The following LRMDA variants were observed in gnomAD, a reference collection of about 807,000 sequenced individuals.
LRMDA encodes leucine rich melanocyte differentiation associated.
In LRMDA, 18 loss-of-function variants were observed where a neutral mutation model predicts 29.8. That is an observed-to-expected ratio of 0.60 (90% CI 0.42 to 0.90). LRMDA has a LOEUF of 0.90. LRMDA is among the 40% of genes least tolerant of loss of function. LRMDA has a pLI of 0.00. For synonymous variants in LRMDA, 125 were observed against 109.4 expected (o/e 1.14, Z -0.89); for missense variants, 273 against 273.9 (o/e 1.00, Z 0.02).
chr10:75,925,727 A>G (rs1846110457), intron 2 of LRMDA, among the ~76,000 whole-genome samples: 1 of 142,704 alleles, frequency 7.0e-6, no homozygotes, highest in Non-Finnish European at 1.5e-5. Flanking sequence ...GTCTCGGTTC[A>G]CTGCAGCCTC....
chr10:76,149,283 C>T (rs140153492), intron 5 of LRMDA, among the ~76,000 whole-genome samples: 1 of 152,292 alleles, frequency 6.6e-6, no homozygotes, highest in East Asian at 1.9e-4. Flanking sequence ...TTAGGATGTG[C>T]TGTGAGGACG....
chr10:75,662,264 A>G (rs936384412), intron 2 of LRMDA, among the ~76,000 whole-genome samples: 3 of 152,260 alleles, frequency 2.0e-5, no homozygotes, highest in Non-Finnish European at 4.4e-5. Context: ...AGTAGAGATG[A>G]AATAAATCTG....
intron 5 of LRMDA, among the ~76,000 whole-genome samples, chr10:76,068,355 G>A (rs1848820012): frequency 6.6e-6 from 1 of 152,140 alleles, no homozygotes; most frequent in Admixed American, 6.5e-5. Context: ...TAATCTTAGG[G>A]CAGCAGTCAC....
chr10:76,098,272 T>A (rs930435751), intron 5 of LRMDA, among the ~76,000 whole-genome samples: 3 of 152,190 alleles, frequency 2.0e-5, no homozygotes, highest in Non-Finnish European at 4.4e-5. Flanking sequence ...AGCAAATATA[T>A]CTAATGAATA....
intron 2 of LRMDA, among the ~76,000 whole-genome samples, chr10:75,495,965 A>G (rs1845040607): frequency 6.6e-6 from 1 of 152,224 alleles, no homozygotes; most frequent in Admixed American, 6.5e-5. Flanking sequence ...AAGTCAGCCC[A>G]TCTGCTCTCT....
At chr10:76,492,735 G>C (rs1842845984) in intron 6 of LRMDA, among the ~76,000 whole-genome samples, 1 of 152,046 alleles carries the variant, frequency 6.6e-6, no homozygotes, top group Admixed American at 6.6e-5. Flanking sequence ...CATGGCAGAA[G>C]GTGCCTCTTC....
intron 5 of LRMDA, among the ~76,000 whole-genome samples, chr10:76,177,698 A>G (rs545423673): frequency 6.9e-4 from 105 of 152,242 alleles, no homozygotes; most frequent in Non-Finnish European, 1.2e-3. Context: ...TGCAAATATA[A>G]AAATATATTG....
At chr10:76,343,994 G>GT (rs1260533906) in intron 6 of LRMDA, among the ~76,000 whole-genome samples, 1 of 151,346 alleles carries the variant, frequency 6.6e-6, no homozygotes, top group Non-Finnish European at 1.5e-5. Context: ...ATTTTTTTTG[G>GT]TATTTTTAGT....
At chr10:76,244,748 G>A (rs1195516905) in intron 5 of LRMDA, among the ~76,000 whole-genome samples, 2 of 152,148 alleles carry the variant, frequency 1.3e-5, no homozygotes, top group Non-Finnish European at 2.9e-5. Flanking sequence ...TTAGTTCATT[G>A]ATTTTAGGCC....
At chr10:75,609,919 G>C (rs1005454004) in intron 2 of LRMDA, among the ~76,000 whole-genome samples, 1 of 152,134 alleles carries the variant, frequency 6.6e-6, no homozygotes, top group Non-Finnish European at 1.5e-5. Context: ...CAGTCTCCAG[G>C]ACTTGGCCCA....
At chr10:76,358,826 A>G (rs1451575521) in intron 6 of LRMDA, among the ~76,000 whole-genome samples, 1 of 152,248 alleles carries the variant, frequency 6.6e-6, no homozygotes, top group African/African-American at 2.4e-5. Context: ...TTATCCATCT[A>G]ATCGCAGCTG....
intron 2 of LRMDA, among the ~76,000 whole-genome samples, chr10:75,835,142 G>C (rs760922612): frequency 2.0e-5 from 3 of 152,150 alleles, no homozygotes; most frequent in Non-Finnish European, 4.4e-5. Flanking sequence ...TAGTTCTAGA[G>C]GTCAGAAGTT....
chr10:76,059,295 C>T (rs567748716), intron 5 of LRMDA, among the ~76,000 whole-genome samples: 8 of 152,268 alleles, frequency 5.3e-5, no homozygotes, highest in East Asian at 1.9e-4. Flanking sequence ...CTGGCATGTG[C>T]CCCCCACATG....
intron 2 of LRMDA, among the ~76,000 whole-genome samples, chr10:76,004,942 T>C (rs1847623801): frequency 6.6e-6 from 1 of 152,108 alleles, no homozygotes; most frequent in African/African-American, 2.4e-5. Context: ...TTAGCCAGGA[T>C]GGTCTCGATC....
chr10:75,913,407 G>T (rs1418452862), intron 2 of LRMDA, among the ~76,000 whole-genome samples: 1 of 152,186 alleles, frequency 6.6e-6, no homozygotes, highest in Non-Finnish European at 1.5e-5. Context: ...AGTGAGCCAA[G>T]ATCGCGCCAC....
At chr10:75,817,517 T>C (rs560549281) in intron 2 of LRMDA, among the ~76,000 whole-genome samples, 1 of 152,188 alleles carries the variant, frequency 6.6e-6, no homozygotes, top group Non-Finnish European at 1.5e-5. Context: ...GTGCTAGAAG[T>C]GGTCAGAAAA....
intron 5 of LRMDA, among the ~76,000 whole-genome samples, chr10:76,130,909 C>T (rs112016996): frequency 0.015 from 2,304 of 152,136 alleles, 67 homozygotes; most frequent in African/African-American, 0.052. Flanking sequence ...GTGATCCACT[C>T]GCCTCGGCCT....
At chr10:76,078,353 A>T (rs1848995039) in intron 5 of LRMDA, among the ~76,000 whole-genome samples, 1 of 152,096 alleles carries the variant, frequency 6.6e-6, no homozygotes, top group Non-Finnish European at 1.5e-5. Context: ...ACCTTCAGCT[A>T]TTTAAGCACA....
chr10:76,522,793 T>A (rs528071386), intron 6 of LRMDA, among the ~76,000 whole-genome samples: 1 of 152,326 alleles, frequency 6.6e-6, no homozygotes, highest in Non-Finnish European at 1.5e-5. Context: ...GGGCAACTCC[T>A]GGGCAGGGAC....
Sources: gnomAD v4.1 joint callset for allele counts (sites outside exome capture counted in the v4.1 genomes callset) on GRCh38, gnomAD v4.1.1 for gene constraint, MANE v1.5 for transcripts, NCBI Gene and HGNC (gene_info 2026-07-23, HGNC 2026-07-21) for gene names.